Variants in TMEM67 observed in about 807,000 individuals in gnomAD.
TMEM67 encodes the protein transmembrane protein 67, also known as meckelin.
In TMEM67, 124 loss-of-function variants were observed where a neutral mutation model predicts 136.6. The observed-to-expected ratio is 0.91, with a 90% CI of 0.78 to 1.05. The LOEUF (loss-of-function observed/expected upper bound fraction) is 1.05. Ranked by LOEUF, TMEM67 falls within the 50% of genes least tolerant of loss-of-function variation. The pLI, the probability that TMEM67 is intolerant of heterozygous loss-of-function variation, is 0.00. For missense variants in TMEM67, 1,107 were observed against 1,178.4 expected, an observed-to-expected ratio of 0.94 and a Z score of 0.89; for synonymous variants, 364 against 390.5, an observed-to-expected ratio of 0.93 and a Z score of 0.80.
At chr8:93,810,518 T>A (rs1586093340) in intron 26 of TMEM67, among the ~76,000 whole-genome samples, 1 of 152,054 alleles carries the variant, frequency 6.6e-6, no homozygotes, top group East Asian at 1.9e-4. Flanking sequence ...AGGCAGAGGT[T>A]GCAGTGAGCT....
At chr8:93,803,832 T>C (rs1257939492) in intron 22 of TMEM67, 148 bp downstream of exon 22, 1 of 655,354 alleles carries the variant, frequency 1.5e-6, no homozygotes, top group African/African-American at 1.8e-5. Context: ...ATAATTATAA[T>C]GAGCTACAAG....
intron 3 of TMEM67, among the ~76,000 whole-genome samples, chr8:93,762,254 AAAAAT>A (rs1368967896): frequency 2.0e-5 from 3 of 152,214 alleles, no homozygotes; most frequent in Non-Finnish European, 4.4e-5. Flanking sequence ...AACTCTCTCA[AAAAAT>A]AAAATAAAAT....
chr8:93,804,783 C>T lies in TMEM67; in HGVS notation c.2344C>T (p.His782Tyr). 2.5e-6 allele frequency: 4 copies of T among 1,601,476 alleles called. No homozygotes were observed. The highest frequency in any genetic ancestry group is 3.4e-6 in the Non-Finnish European group (4 of 1,169,344). ...ATAGATATCAGTGTTTCTGTTATCCCACAAATGTTTTGGATATTACATTCA... is the reference window on the plus strand; with the variant it reads ...ATAGATATCAGTGTTTCTGTTATCCTACAAATGTTTTGGATATTACATTCA... ...MSNISVFLLS[H>Y]KCFGYYIHGR... Residue 782 changes from histidine (H) to tyrosine (Y), a missense_variant, in exon 23 of 28, where the codon CAC (histidine) becomes TAC (tyrosine). Around this residue, in one of 3 missense-constraint regions of TMEM67, gnomAD observed 925 missense variants for 1,002.4 expected, o/e 0.92. Transcript: ENST00000453321.
intron 3 of TMEM67, chr8:93,759,926 G>C (rs1335254144): frequency 6.5e-7 from 1 of 1,529,944 alleles, no homozygotes. Context: ...TGGGATACAG[G>C]CTTGAGCCAC....
At position 93,797,415 on chromosome 8, in the gene TMEM67, C is replaced by T. The variant is rs1054732737; in HGVS notation, c.2045C>T (p.Thr682Ile). The T allele has an allele frequency of 6.2e-7, 1 of 1,613,774 alleles. No homozygotes were observed. The stretch of plus-strand genomic sequence containing the variant: ...GCAAATGAATGGAATGAAATTCAGA[C>T]TGTGAGAAAAATTAATTCACTCTTT... ...FVANEWNEIQ[T>I]VRKINSLFQV... The change falls in exon 20 of 28, where the codon ACT becomes ATT. Residue 682 changes from threonine to isoleucine, a missense_variant. Around this residue, in one of 3 missense-constraint regions of TMEM67, gnomAD observed 925 missense variants for 1,002.4 expected, o/e 0.92. Transcript: ENST00000453321.
At chr8:93,797,085 G>T (rs760971523) in intron 18 of TMEM67, 49 bp from the exon 19 acceptor site, 2 of 1,105,226 alleles carry the variant, frequency 1.8e-6, no homozygotes, top group South Asian at 1.2e-5. Flanking sequence ...TTTATAAGCA[G>T]ACTTAACGCT....
rs767408748 is a variant in TMEM67 at position 93,780,764 on chromosome 8, T to A, written c.869+17T>A. 22 of 1,613,546 alleles carry A rather than the reference T, an allele frequency of 1.4e-5. No homozygotes were observed. The African/African-American group carries it at 2.7e-4, about 20-fold the overall frequency. On this transcript the variant is annotated intron_variant, in intron 8 of 27. Coordinates refer to ENST00000453321, the MANE Select transcript of TMEM67 (RefSeq NM_153704.6). Reference sequence around the variant, plus strand: ...TTCATTTTGGTAAGGATATTTTGATTGATGAAATGTTATTTTGACTGAATT... The same window carrying A: ...TTCATTTTGGTAAGGATATTTTGATAGATGAAATGTTATTTTGACTGAATT...
rs1356201430 is a variant in TMEM67, at chr8:93,785,329, G to T, written c.1239G>T (p.Val413=). 4 of 1,611,254 alleles carry T rather than the reference G, an allele frequency of 2.5e-6. No individual in the cohort carries two copies. Among genetic ancestry groups the T allele is most frequent in the Non-Finnish European group, 3.4e-6 (4 of 1,178,136 alleles). ...DENQHQYILA[V]PVLNLNLQHN... ...ATCAACATCAATATATTTTGGCTGT[G>T]CCTGTGTTAAACCTAAATCTTCAAC... is the stretch of plus-strand genomic sequence containing the variant. The change falls in exon 12 of 28, where the codon GTG becomes GTT. Residue 413 remains valine, a synonymous_variant. Coordinates refer to ENST00000453321, the MANE Select transcript of TMEM67 (RefSeq NM_153704.6).
rs764081163 is a variant in TMEM67, at chr8:93,780,619, A to G, written c.741A>G (p.Gln247=). The change falls in exon 8 of 28, where the codon CAA becomes CAG. Residue 247 remains glutamine, a synonymous_variant. Coordinates refer to ENST00000453321, the MANE Select transcript of TMEM67 (RefSeq NM_153704.6). ...CWVYANLTSC[Q]ALGNMCVMNM... is the part of the protein sequence containing the mutation. ...TATATGCCAATCTAACATCTTGTCA[A>G]GCTCTTGGAAATATGTGTGTGATGA... 2.5e-6 allele frequency: 4 copies of G among 1,614,102 alleles called. No homozygotes were observed. Among genetic ancestry groups the G allele is most frequent in the Non-Finnish European group, 3.4e-6 (4 of 1,180,038 alleles).
At chr8:93,800,219 A>G (rs1484511134) in intron 21 of TMEM67, among the ~76,000 whole-genome samples, 3 of 152,106 alleles carry the variant, frequency 2.0e-5, no homozygotes, top group Non-Finnish European at 2.9e-5. Flanking sequence ...CCAGTAGTCA[A>G]TTCTTATATT....
At position 93,797,363 on chromosome 8, in the gene TMEM67, G is replaced by A; in HGVS notation, c.1993G>A (p.Val665Ile). 1 of 1,614,090 alleles carries A rather than the reference G, an allele frequency of 6.2e-7. No homozygotes were observed. Among genetic ancestry groups the A allele is most frequent in the Non-Finnish European group, 8.5e-7 (1 of 1,179,990 alleles). The part of the protein sequence containing the change: ...EGGVRSATVP[V>I]SIWRTYFVAN... ...TGGTGTACGAAGTGCCACTGTTCCT[G>A]TAAGCATATGGAGAACATATTTTGT... The change falls in exon 20 of 28, where the codon GTA becomes ATA. Residue 665 changes from valine (V) to isoleucine (I), a missense_variant. Physicochemically the swap from Val to Ile is conservative, Grantham distance 29. Transcript: ENST00000453321.
rs533830455 is a variant in TMEM67, at chr8:93,781,895, T to TTTTG, written c.1065+175_1065+178dup. 3.6e-4 allele frequency: 194 copies of TTTTG among 532,156 alleles called. 1 individual carries two copies. Among genetic ancestry groups the TTTTG allele is most frequent in the African/African-American group, 1.8e-3 (91 of 50,456 alleles). The allele number at this position is 532,156 out of a possible 1,614,324, so 33.0% of individuals were successfully genotyped here. On this transcript the variant is annotated intron_variant, in intron 10 of 27. Transcript: ENST00000453321. ...GCTTTAAATTAGACTTTCTTAAGTT[T>TTTTG]TTTGTTTGTTTGTTTGTTTGTTTGT...
intron 7 of TMEM67, among the ~76,000 whole-genome samples, chr8:93,773,502 C>CTCTCTCACT (rs1392009845): frequency 2.6e-5 from 4 of 152,072 alleles, no homozygotes; most frequent in Admixed American, 6.6e-5. Context: ...AGATAGTGGA[C>CTCTCTCACT]CATTGCACAA....
Position 93,809,167 on chromosome 8 carries a change from T to A in TMEM67, c.2661+6T>A. ...TTGGCTCCTTCATTGACCATGTATGTATGTCAACATTTATATTTAAGCTGG... is the reference window on the plus strand; with the variant it reads ...TTGGCTCCTTCATTGACCATGTATGAATGTCAACATTTATATTTAAGCTGG... On this transcript the variant is annotated splice_donor_region_variant and intron_variant, in intron 25 of 27. Coordinates refer to ENST00000453321, the MANE Select transcript of TMEM67 (RefSeq NM_153704.6). 1.4e-6 allele frequency: 2 copies of A among 1,418,512 alleles called. No homozygotes were observed. Among genetic ancestry groups the A allele is most frequent in the Non-Finnish European group, 2.0e-6 (2 of 1,003,188 alleles). 87.9% of individuals were successfully genotyped at this position (1,418,512 alleles called of 1,614,324 possible).
the TMEM67 span, among the ~76,000 whole-genome samples, chr8:93,824,869 C>A: frequency 6.6e-6 from 1 of 152,130 alleles, no homozygotes; most frequent in Admixed American, 6.5e-5. Context: ...CATGTGCCAC[C>A]ATACGCAGCT....
At chr8:93,787,743 C>A (rs1379141714) in intron 13 of TMEM67, 101 bp from the exon 14 acceptor site, 1 of 930,994 alleles carries the variant, frequency 1.1e-6, no homozygotes, top group Admixed American at 1.8e-5. Flanking sequence ...GTTCTGAGAT[C>A]ATCAGACAAT....
intron 23 of TMEM67, among the ~76,000 whole-genome samples, chr8:93,805,828 C>T (rs1375306425): frequency 1.3e-5 from 2 of 152,006 alleles, no homozygotes; most frequent in African/African-American, 4.8e-5. Context: ...GGATGCTAAA[C>T]GATTAAGTGA....
the TMEM67 span, among the ~76,000 whole-genome samples, chr8:93,829,491 ACTC>A: frequency 8.0e-5 from 12 of 150,170 alleles, no homozygotes; most frequent in South Asian, 2.5e-3. Context: ...CACTGGATCT[ACTC>A]CTCTAACTAC....
Position 93,818,093 on chromosome 8 carries a change from G to A in TMEM67, c.*1641G>A, listed in dbSNP as rs575602477. 6 of 152,006 alleles carry A rather than the reference G, an allele frequency of 3.9e-5. No homozygotes were observed. Among genetic ancestry groups the A allele is most frequent in the Non-Finnish European group, 8.8e-5 (6 of 68,016 alleles). The allele number at this position is 152,006 out of a possible 1,614,324, so 9.4% of individuals were successfully genotyped here. A position where few individuals can be genotyped will look rare whatever the true frequency, so the allele number is the denominator to read the frequency against. On this transcript the variant is annotated 3_prime_UTR_variant, in exon 28 of 28. Transcript: ENST00000453321. ...TGTATGATATTTTTATTTTGGCTAGGTGCATAAAAATGTGTTCAGATTTTC... is the reference window on the plus strand; with the variant it reads ...TGTATGATATTTTTATTTTGGCTAGATGCATAAAAATGTGTTCAGATTTTC...
Sources: gnomAD v4.1 joint callset for allele counts (sites outside exome capture counted in the v4.1 genomes callset) on GRCh38, gnomAD v4.1.1 for gene constraint, gnomAD v4.1.1 regional missense constraint, MANE v1.5 for transcripts, NCBI Gene and HGNC (gene_info 2026-07-23, HGNC 2026-07-21) for gene names.